Variants in SAMD12 observed in about 807,000 individuals in gnomAD.
SAMD12 encodes the protein sterile alpha motif domain containing 12.
A neutral mutation model predicts 15.0 loss-of-function variants in SAMD12; 9 were observed. The ratio of observed to expected loss-of-function variants is 0.60; its 90% CI spans 0.36 to 1.05. The LOEUF is 1.05. Ranked by LOEUF, SAMD12 falls within the 50% of genes least tolerant of loss-of-function variation. The probability of loss-of-function intolerance (pLI) is 0.01; values close to 1 mark genes in which losing one functional copy is unlikely to be tolerated. For missense variants in SAMD12, 230 were observed against 234.2 expected (o/e 0.98, Z 0.12); for synonymous variants, 86 against 90.1 (o/e 0.96, Z 0.25).
At chr8:118,529,074 GC>G (rs1445262993) in intron 2 of SAMD12, among the ~76,000 whole-genome samples, 1 of 152,160 alleles carries the variant, frequency 6.6e-6, no homozygotes, top group Non-Finnish European at 1.5e-5. Context: ...TGAAGTTGTG[GC>G]CACAGACAAC....
At chr8:118,337,755 A>G (rs1312008834) in intron 4 of SAMD12, among the ~76,000 whole-genome samples, 1 of 152,176 alleles carries the variant, frequency 6.6e-6, no homozygotes, top group Non-Finnish European at 1.5e-5. Context: ...TTACTTAGTA[A>G]TTGATCCAAA....
At chr8:118,481,345 A>G (rs1281330797) in intron 2 of SAMD12, among the ~76,000 whole-genome samples, 1 of 152,218 alleles carries the variant, frequency 6.6e-6, no homozygotes, top group Admixed American at 6.5e-5. Flanking sequence ...TTAGGTCACC[A>G]TTTGAATACT....
chr8:118,294,035 T>C (rs3894436), intron 4 of SAMD12, among the ~76,000 whole-genome samples: 17,521 of 152,192 alleles, frequency 0.12, 3,126 homozygotes, highest in African/African-American at 0.38. Context: ...CAGAACTGGC[T>C]CCAAGTTTGG....
chr8:118,379,181 A>G lies in SAMD12; in HGVS notation c.*236T>C. ...GCCCTCACAATTGGCGCAGGTGAAG[A>G]TAGCTACAGCTGGACTGTACAGTTG... On this transcript the variant is annotated 3_prime_UTR_variant, in exon 4 of 4. Transcript: ENST00000314727. The G allele has an allele frequency of 8.0e-7, 1 of 1,250,006 alleles. No individual in the cohort carries two copies. The highest frequency in any genetic ancestry group is 1.5e-5 in the African/African-American group (1 of 66,860). 77.4% of individuals were successfully genotyped at this position (1,250,006 alleles called of 1,614,324 possible).
At chr8:118,315,308 G>A (rs907559423) in intron 4 of SAMD12, among the ~76,000 whole-genome samples, 1 of 152,104 alleles carries the variant, frequency 6.6e-6, no homozygotes, top group Non-Finnish European at 1.5e-5. Flanking sequence ...GAAACCTAAA[G>A]ATAAACTTAA....
At chr8:118,423,185 G>A (rs576184916) in intron 3 of SAMD12, among the ~76,000 whole-genome samples, 1 of 152,190 alleles carries the variant, frequency 6.6e-6, no homozygotes, top group Admixed American at 6.5e-5. Context: ...ACCCAAGAGA[G>A]GAAAAATCTG....
chr8:118,265,855 G>T (rs1813183606), intron 4 of SAMD12, among the ~76,000 whole-genome samples: 1 of 151,896 alleles, frequency 6.6e-6, no homozygotes, highest in Admixed American at 6.6e-5. Context: ...TTGAAAAAAA[G>T]GTGAAGAACC....
At chr8:118,217,369 C>T (rs1337402899) in intron 4 of SAMD12, among the ~76,000 whole-genome samples, 3 of 152,206 alleles carry the variant, frequency 2.0e-5, no homozygotes, top group South Asian at 2.1e-4. Context: ...AGTATCCCTA[C>T]AAAACCTGTC....
At chr8:118,248,230 A>G (rs1563714674) in intron 4 of SAMD12, among the ~76,000 whole-genome samples, 1 of 152,110 alleles carries the variant, frequency 6.6e-6, no homozygotes, top group Non-Finnish European at 1.5e-5. Flanking sequence ...ATAATTAATC[A>G]TTTTCTTATA....
intron 4 of SAMD12, among the ~76,000 whole-genome samples, chr8:118,201,908 A>G (rs1291520592): frequency 6.6e-6 from 1 of 152,246 alleles, no homozygotes; most frequent in African/African-American, 2.4e-5. Flanking sequence ...TCTTGGAATC[A>G]ATCATCATAT....
the SAMD12 span, among the ~76,000 whole-genome samples, chr8:118,172,693 A>G: frequency 6.6e-6 from 1 of 152,226 alleles, no homozygotes; most frequent in Non-Finnish European, 1.5e-5. Context: ...AACCGTTACC[A>G]CAGAGTAATA....
chr8:118,328,292 T>C (rs1429765734), intron 4 of SAMD12, among the ~76,000 whole-genome samples: 3 of 152,204 alleles, frequency 2.0e-5, no homozygotes, highest in Non-Finnish European at 4.4e-5. Flanking sequence ...AACTTATTTC[T>C]AGTCTCTGGG....
the SAMD12 span, among the ~76,000 whole-genome samples, chr8:118,180,263 G>C: frequency 1.3e-5 from 2 of 152,218 alleles, no homozygotes; most frequent in Non-Finnish European, 2.9e-5. Flanking sequence ...AGGCTGACCA[G>C]AAACTGTGAT....
intron 2 of SAMD12, among the ~76,000 whole-genome samples, chr8:118,565,478 G>A (rs935524967): frequency 3.3e-5 from 5 of 152,156 alleles, no homozygotes; most frequent in African/African-American, 1.2e-4. Flanking sequence ...GAAACTGAAG[G>A]GATGCCACCA....
chr8:118,173,497 T>C, the SAMD12 span, among the ~76,000 whole-genome samples: 1 of 151,538 alleles, frequency 6.6e-6, no homozygotes, highest in Non-Finnish European at 1.5e-5. Flanking sequence ...GCAGCCTCTG[T>C]TTTCTTTTAT....
intron 3 of SAMD12, among the ~76,000 whole-genome samples, chr8:118,430,677 C>G (rs1269431143): frequency 6.6e-6 from 1 of 152,076 alleles, no homozygotes; most frequent in African/African-American, 2.4e-5. Flanking sequence ...CGTCTTTATT[C>G]TTTTCACTCT....
intron 2 of SAMD12, among the ~76,000 whole-genome samples, chr8:118,558,914 A>G (rs2131205214): frequency 6.6e-6 from 1 of 152,332 alleles, no homozygotes; most frequent in South Asian, 2.1e-4. Context: ...AAGTGCTAGC[A>G]AACTCATGCT....
chr8:118,461,147 G>A (rs1415410816), intron 2 of SAMD12, among the ~76,000 whole-genome samples: 2 of 152,172 alleles, frequency 1.3e-5, no homozygotes, highest in Non-Finnish European at 1.5e-5. Context: ...CAATTAGAGT[G>A]CCTTTCCCAG....
At chr8:118,196,977 T>A (rs1410165306) in exon 5 of SAMD12, 4 of 151,970 alleles carry the variant, frequency 2.6e-5, no homozygotes, top group African/African-American at 9.7e-5. Flanking sequence ...CAATAAAGTA[T>A]CTGGAGGTGA....
Sources: gnomAD v4.1 joint callset for allele counts (sites outside exome capture counted in the v4.1 genomes callset) on GRCh38, gnomAD v4.1.1 for gene constraint, MANE v1.5 for transcripts, NCBI Gene and HGNC (gene_info 2026-07-23, HGNC 2026-07-21) for gene names.